CEP350: variants seen among roughly 807,000 people sequenced by gnomAD.
CEP350 encodes the protein centrosomal protein 350, also known as centrosome-associated protein 350.
Under a neutral mutation model 331.8 loss-of-function variants are expected in CEP350, and 126 were observed. That is an observed-to-expected ratio of 0.38 (90% CI 0.33 to 0.44). The LOEUF (loss-of-function observed/expected upper bound fraction) is 0.44, where lower values mean the gene tolerates loss of function less well. Ranked by LOEUF, CEP350 falls within the 20% of genes least tolerant of loss-of-function variation. The probability of loss-of-function intolerance (pLI) is 1.00; values close to 1 mark genes in which losing one functional copy is unlikely to be tolerated. For synonymous variants in CEP350, 1,200 were observed against 1,259.5 expected (o/e 0.95, Z 1.00); for missense variants, 3,406 against 3,634.6 (o/e 0.94, Z 1.62).
At chr1:180,077,475 A>G (rs1416764198) in intron 28 of CEP350, among the ~76,000 whole-genome samples, 1 of 151,892 alleles carries the variant, frequency 6.6e-6, no homozygotes, top group Non-Finnish European at 1.5e-5. Flanking sequence ...AGAGTTCATG[A>G]CAAGCCTGGG....
intron 1 of CEP350, among the ~76,000 whole-genome samples, chr1:179,966,190 T>C (rs1046093688): frequency 3.3e-5 from 5 of 152,222 alleles, no homozygotes; most frequent in Non-Finnish European, 5.9e-5. Context: ...ATTAGTTGCT[T>C]AAGCTTTTTA....
At chr1:180,009,290 G>A (rs1256749334) in intron 8 of CEP350, among the ~76,000 whole-genome samples, 1 of 152,236 alleles carries the variant, frequency 6.6e-6, no homozygotes, top group Non-Finnish European at 1.5e-5. Context: ...GATTATAGGC[G>A]TGAGCCACTC....
At chr1:180,107,830 A>AAAAC (rs1558165723) in intron 37 of CEP350, among the ~76,000 whole-genome samples, 3 of 150,302 alleles carry the variant, frequency 2.0e-5, no homozygotes, top group Admixed American at 2.0e-4. Flanking sequence ...CTGCTCCCAA[A>AAAAC]AAAACAAAAC....
chr1:180,000,766 T>G (rs1571846098), intron 6 of CEP350: 1 of 152,818 alleles, frequency 6.5e-6, no homozygotes, highest in African/African-American at 2.4e-5. Flanking sequence ...GGTAGTTGAT[T>G]GGTCATGAAC....
intron 32 of CEP350, among the ~76,000 whole-genome samples, chr1:180,088,370 A>G (rs562834123): frequency 6.6e-6 from 1 of 152,120 alleles, no homozygotes; most frequent in South Asian, 2.1e-4. Flanking sequence ...GATCAGTTCA[A>G]TTGAGAAATA....
intron 30 of CEP350, among the ~76,000 whole-genome samples, chr1:180,083,670 G>A (rs1243571180): frequency 1.3e-5 from 2 of 152,142 alleles, no homozygotes; most frequent in African/African-American, 4.8e-5. Context: ...GTAATTTCTT[G>A]CAGAATATCC....
intron 5 of CEP350, among the ~76,000 whole-genome samples, chr1:179,994,832 C>T (rs1174273363): frequency 1.3e-5 from 2 of 152,098 alleles, no homozygotes; most frequent in Non-Finnish European, 2.9e-5. Flanking sequence ...GAGAATCTGA[C>T]AAAAGCTGTA....
At chr1:179,974,727 C>T (rs1484726810) in intron 1 of CEP350, among the ~76,000 whole-genome samples, 1 of 152,176 alleles carries the variant, frequency 6.6e-6, no homozygotes, top group Non-Finnish European at 1.5e-5. Flanking sequence ...CATGGTAGCT[C>T]ATGCCTGTAT....
Position 179,986,229 on chromosome 1 carries a change from C to T in CEP350, c.48C>T (p.Asn16=). ...AGGTGCCTTTACCAAATCCAAGGAA[C>T]TCTCAAAGCAAGGATACTGTTCAAG... ...SKEVPLPNPR[N]SQSKDTVQAD... The change falls in exon 2 of 38, where the codon AAC becomes AAT. Residue 16 remains asparagine, a synonymous_variant. Transcript: ENST00000367607. The T allele has an allele frequency of 6.4e-7, 1 of 1,550,892 alleles. No individual in the cohort carries two copies.
intron 37 of CEP350, among the ~76,000 whole-genome samples, chr1:180,102,263 G>T (rs545711112): frequency 1.3e-4 from 19 of 151,934 alleles, no homozygotes; most frequent in Admixed American, 3.3e-4. Flanking sequence ...AGTCTCCGGA[G>T]TAGCTGGGAT....
intron 16 of CEP350, among the ~76,000 whole-genome samples, chr1:180,035,574 G>A (rs995097939): frequency 1.3e-5 from 2 of 152,182 alleles, no homozygotes; most frequent in African/African-American, 4.8e-5. Context: ...TGCCTGTGCT[G>A]TATTAATGGA....
At chr1:179,961,726 G>A (rs1198418136) in intron 1 of CEP350, among the ~76,000 whole-genome samples, 1 of 152,134 alleles carries the variant, frequency 6.6e-6, no homozygotes, top group Admixed American at 6.5e-5. Context: ...GGGGATACAC[G>A]TGCAGGTTCG....
chr1:180,000,309 G>C (rs1653773677), intron 6 of CEP350: 1 of 151,094 alleles, frequency 6.6e-6, no homozygotes, highest in Admixed American at 6.6e-5. Flanking sequence ...GAGAAAGACA[G>C]AAATACGTTT....
chr1:180,071,016 C>T (rs1207358728), intron 27 of CEP350, among the ~76,000 whole-genome samples: 3 of 151,396 alleles, frequency 2.0e-5, no homozygotes, highest in East Asian at 2.0e-4. Context: ...GGCATGGCGG[C>T]GCGTGCCTGT....
At chr1:180,054,057 A>G in intron 24 of CEP350, 123 bp downstream of exon 24, 2 of 721,840 alleles carry the variant, frequency 2.8e-6, no homozygotes, top group Middle Eastern at 4.1e-4. Context: ...CAAGCTAGAA[A>G]TAACGGCAGT....
intron 25 of CEP350, among the ~76,000 whole-genome samples, chr1:180,055,066 C>T (rs1470608743): frequency 1.3e-5 from 2 of 152,268 alleles, no homozygotes; most frequent in Admixed American, 6.5e-5. Flanking sequence ...TCAGTTTCCT[C>T]ATCTGTAAAC....
At position 180,014,331 on chromosome 1, in the gene CEP350, C is replaced by CA; in HGVS notation, c.1881dup (p.Arg628ThrfsTer15). ...AAAAGGAGGCTACAGAACAGAAAAA[C>CA]AAACGATTACAAGAGCTCTACCGGA... On this transcript the variant is annotated frameshift_variant, in exon 10 of 38. Coordinates refer to ENST00000367607, the MANE Select transcript of CEP350 (RefSeq NM_014810.5). LOFTEE classifies it high-confidence loss of function. The CA allele has an allele frequency of 6.3e-7, 1 of 1,589,676 alleles. No individual in the cohort carries two copies. Among genetic ancestry groups the CA allele is most frequent in the South Asian group, 1.1e-5 (1 of 87,320 alleles).
intron 33 of CEP350, among the ~76,000 whole-genome samples, 188 bp from the exon 34 acceptor site, chr1:180,092,426 T>A (rs577563232): frequency 6.6e-6 from 1 of 152,336 alleles, no homozygotes; most frequent in Admixed American, 6.5e-5. Flanking sequence ...GAATTTTCAG[T>A]AATTTTAAAT....
At chr1:180,019,532 A>T (rs903477322) in intron 11 of CEP350, among the ~76,000 whole-genome samples, 1 of 152,184 alleles carries the variant, frequency 6.6e-6, no homozygotes, top group Admixed American at 6.5e-5. Flanking sequence ...AGCAATTTTA[A>T]GCATTTCTCT....
Sources: allele counts gnomAD v4.1 joint callset (sites outside exome capture counted in the v4.1 genomes callset), GRCh38; gene constraint gnomAD v4.1.1; transcripts MANE v1.5; gene names NCBI Gene and HGNC (gene_info 2026-07-23, HGNC 2026-07-21).